The following CTDSPL2 variants were observed in gnomAD, a reference collection of about 807,000 sequenced individuals.
The protein encoded by CTDSPL2 is CTD small phosphatase like 2.
CTDSPL2 carries 5 observed loss-of-function variants against 60.0 expected under a neutral mutation model. The observed-to-expected ratio is 0.08, with a 90% CI of 0.04 to 0.18. The LOEUF (loss-of-function observed/expected upper bound fraction) is 0.18. Ranked by LOEUF, CTDSPL2 falls within the 10% of genes least tolerant of loss-of-function variation. The probability of loss-of-function intolerance (pLI) is 1.00; values close to 1 mark genes in which losing one functional copy is unlikely to be tolerated. For missense variants in CTDSPL2, 370 were observed against 548.8 expected, an observed-to-expected ratio of 0.67 and a Z score of 3.26; for synonymous variants, 186 against 189.3, an observed-to-expected ratio of 0.98 and a Z score of 0.14.
chr15:44,516,864 C>T lies in CTDSPL2; in HGVS notation c.1112+2020C>T, dbSNP rs1029398702. On this transcript the variant is annotated intron_variant, in intron 10 of 12. Transcript: ENST00000260327. ...TTGTTTGTTTGTTTGTTGTTTGAAA[C>T]AGTCTTGCTCTGTCACCCAGCCTGG... 9 of 151,830 alleles carry T rather than the reference C, an allele frequency of 5.9e-5. No individual in the cohort carries two copies. The South Asian group carries it at 6.2e-4, about 11-fold the overall frequency. The allele number at this position is 151,830 out of a possible 1,614,324, so 9.4% of individuals were successfully genotyped here. A position where few individuals can be genotyped will look rare whatever the true frequency, so the allele number is the denominator to read the frequency against.
chr15:44,428,339 T>C (rs1183659028), intron 1 of CTDSPL2, among the ~76,000 whole-genome samples: 1 of 152,232 alleles, frequency 6.6e-6, no homozygotes. Context: ...ACAGTCCATG[T>C]GGAAGGCGTC....
intron 2 of CTDSPL2, among the ~76,000 whole-genome samples, chr15:44,477,416 TC>T (rs1443271406): frequency 6.6e-6 from 1 of 152,062 alleles, no homozygotes; most frequent in Non-Finnish European, 1.5e-5. Context: ...GTGCCTGTAG[TC>T]CCAGCTACTT....
In CTDSPL2 at chr15:44,529,004, T is replaced by C. The variant is rs1342009205; in HGVS notation, c.*4830T>C. ...GCCCTGATCACCCTACCTCACAGGG[T>C]TGTTGTGGGGATAAATAAAACTTTT... On this transcript the variant is annotated 3_prime_UTR_variant, in exon 13 of 13. Transcript: ENST00000260327. The C allele has an allele frequency of 6.6e-6, 1 of 152,168 alleles. No individual in the cohort carries two copies. Among genetic ancestry groups the C allele is most frequent in the Non-Finnish European group, 1.5e-5 (1 of 68,000 alleles). The allele number at this position is 152,168 out of a possible 1,614,324, so 9.4% of individuals were successfully genotyped here.
chr15:44,483,172 T>A lies in CTDSPL2; in HGVS notation c.187-1052T>A, dbSNP rs762618957. Among the ~76,000 whole-genome samples the A allele has an allele frequency of 1.4e-4, 21 of 150,722 alleles. No homozygotes were observed. In the Middle Eastern group the frequency reaches 0.01, roughly 73 times the overall value. On this transcript the variant is annotated intron_variant, in intron 2 of 12. Transcript: ENST00000260327. The stretch of plus-strand genomic sequence containing the variant: ...TACTCGGGAGGCTCAGGCAGGAGAA[T>A]CGCTTGAACCCAGGAGGCGGGCGGA...
intron 1 of CTDSPL2, among the ~76,000 whole-genome samples, chr15:44,433,953 C>CA (rs201817237): frequency 0.15 from 15,184 of 103,438 alleles, 1,471 homozygotes; most frequent in African/African-American, 0.31. Context: ...ACTCTCGTCT[C>CA]AAAAAAAAAA....
At chr15:44,477,537 T>TTA (rs2080942827) in intron 2 of CTDSPL2, among the ~76,000 whole-genome samples, 3 of 132,202 alleles carry the variant, frequency 2.3e-5, no homozygotes, top group African/African-American at 8.4e-5. Context: ...CCTGTCTTTT[T>TTA]AAAAAAAAAA....
At chr15:44,461,681 G>A (rs1222036648) in intron 2 of CTDSPL2, among the ~76,000 whole-genome samples, 1 of 149,324 alleles carries the variant, frequency 6.7e-6, no homozygotes, top group Non-Finnish European at 1.5e-5. Flanking sequence ...GCCTGTCAAA[G>A]TGTTGGTATT....
At chr15:44,455,463 T>C (rs546736256) in intron 1 of CTDSPL2, among the ~76,000 whole-genome samples, 22 of 152,322 alleles carry the variant, frequency 1.4e-4, no homozygotes, top group African/African-American at 4.8e-4. Context: ...CTATGTTGAA[T>C]AGGAGTGGTG....
At position 44,527,038 on chromosome 15, in the gene CTDSPL2, T is replaced by G. The variant is rs893345956; in HGVS notation, c.*2864T>G. 3.9e-5 allele frequency: 6 copies of G among 152,614 alleles called. No individual in the cohort carries two copies. Among genetic ancestry groups the G allele is most frequent in the African/African-American group, 1.2e-4 (5 of 41,450 alleles). 9.5% of individuals were successfully genotyped at this position (152,614 alleles called of 1,614,324 possible). On this transcript the variant is annotated 3_prime_UTR_variant, in exon 13 of 13. Transcript: ENST00000260327. The stretch of plus-strand genomic sequence containing the variant: ...TGTAATATATGTAGCCCTCATCAGA[T>G]TTATATCACCATATTTCTCCTTGTG...
intron 2 of CTDSPL2, among the ~76,000 whole-genome samples, chr15:44,467,938 A>C (rs2080729815): frequency 6.6e-6 from 1 of 151,890 alleles, no homozygotes; most frequent in Admixed American, 6.6e-5. Context: ...CGTAACTTGG[A>C]GTTGATTTGC....
intron 2 of CTDSPL2, among the ~76,000 whole-genome samples, chr15:44,478,439 CA>C (rs1241052224): frequency 1.0e-4 from 9 of 86,226 alleles, no homozygotes; most frequent in African/African-American, 4.1e-4. Context: ...GCAAGAAGAG[CA>C]AGACTCTGTC....
chr15:44,449,964 C>A (rs2080301338), intron 1 of CTDSPL2, among the ~76,000 whole-genome samples: 1 of 148,722 alleles, frequency 6.7e-6, no homozygotes, highest in African/African-American at 2.5e-5. Context: ...GCACTCTTGC[C>A]TGGGTGACAG....
chr15:44,486,693 T>A lies in CTDSPL2; in HGVS notation c.468T>A (p.Asn156Lys). ...TCTTCAACTTTTTTTCACCAGCAAA[T>A]AAAAATGGTAAGTATAAACTGTTAA... ...SPVFNFFSPA[N>K]KNGTSGSDSP... The change falls in exon 4 of 13, where the codon AAT (asparagine) becomes AAA (lysine). Residue 156 changes from asparagine to lysine, a missense_variant. This residue lies in a region of CTDSPL2 where 287 missense variants were observed against 296.1 expected (regional missense o/e 0.97). Transcript: ENST00000260327. The A allele has an allele frequency of 6.3e-7, 1 of 1,581,614 alleles. No homozygotes were observed. Among genetic ancestry groups the A allele is most frequent in the Non-Finnish European group, 8.6e-7 (1 of 1,167,984 alleles).
chr15:44,459,494 C>T lies in CTDSPL2; in HGVS notation c.186+294C>T, dbSNP rs151038622. Among the ~76,000 whole-genome samples the T allele has an allele frequency of 1.7e-3, 255 of 152,260 alleles. 1 individual carries two copies. Among genetic ancestry groups the T allele is most frequent in the African/African-American group, 5.9e-3 (247 of 41,548 alleles). On this transcript the variant is annotated intron_variant, in intron 2 of 12. Transcript: ENST00000260327. ...AGTGAGCCGAGATCGCACCACTGCA[C>T]TCCAACCTGGGCGACAGCGGGACTC...
chr15:44,522,539 G>C (rs1014088119), intron 12 of CTDSPL2, among the ~76,000 whole-genome samples: 5 of 152,076 alleles, frequency 3.3e-5, no homozygotes, highest in Non-Finnish European at 7.4e-5. Context: ...GATCACTTGA[G>C]GTCAGGAGGT....
chr15:44,495,153 A>G (rs1035418330), intron 5 of CTDSPL2, among the ~76,000 whole-genome samples: 1 of 152,068 alleles, frequency 6.6e-6, no homozygotes, highest in African/African-American at 2.4e-5. Flanking sequence ...GTATTTCTAT[A>G]GAAATGGGGT....
intron 8 of CTDSPL2, among the ~76,000 whole-genome samples, chr15:44,504,731 A>G (rs1352645255): frequency 6.6e-6 from 1 of 151,458 alleles, no homozygotes; most frequent in Non-Finnish European, 1.5e-5. Flanking sequence ...TTAGCCGGGC[A>G]TGGTGGGGAG....
rs529506086 is a variant in CTDSPL2 at position 44,497,276 on chromosome 15, T to C, written c.882+138T>C. On this transcript the variant is annotated intron_variant, in intron 7 of 12. Transcript: ENST00000260327. Reference sequence around the variant, plus strand: ...CCAAAAATAATTTGGGTCAACTTAATTAACCATATGCAAGACCATAACCCT... The same window carrying C: ...CCAAAAATAATTTGGGTCAACTTAACTAACCATATGCAAGACCATAACCCT... The C allele has an allele frequency of 9.3e-4, 488 of 526,060 alleles. 2 individuals are homozygous for C. Among genetic ancestry groups the C allele is most frequent in the African/African-American group, 7.9e-3 (416 of 52,472 alleles). 32.6% of individuals were successfully genotyped at this position (526,060 alleles called of 1,614,324 possible).
chr15:44,511,759 T>C (rs2081569489), intron 8 of CTDSPL2, among the ~76,000 whole-genome samples: 1 of 142,748 alleles, frequency 7.0e-6, no homozygotes. Context: ...CCCCAGCTAC[T>C]GGGGAGGCTG....
Sources: gnomAD v4.1 joint callset for allele counts (sites outside exome capture counted in the v4.1 genomes callset) on GRCh38, gnomAD v4.1.1 for gene constraint, gnomAD v4.1.1 regional missense constraint, MANE v1.5 for transcripts, NCBI Gene and HGNC (gene_info 2026-07-23, HGNC 2026-07-21) for gene names.